TULP4: variants seen among roughly 807,000 people sequenced by gnomAD.
TULP4 encodes tubby-related protein 4.
A neutral mutation model predicts 129.0 loss-of-function variants in TULP4; 16 were observed. The observed-to-expected ratio is 0.12, with a 90% CI of 0.08 to 0.19. TULP4 has a LOEUF of 0.19. Ranked by LOEUF, TULP4 falls within the 10% of genes least tolerant of loss-of-function variation. The probability of loss-of-function intolerance (pLI) is 1.00; values close to 1 mark genes in which losing one functional copy is unlikely to be tolerated. For missense variants in TULP4, 1,842 were observed against 2,059.1 expected (o/e 0.89, Z 2.04); for synonymous variants, 998 against 854.0 (o/e 1.17, Z -2.94).
intron 1 of TULP4, among the ~76,000 whole-genome samples, chr6:158,384,449 G>A (rs531808839): frequency 4.0e-5 from 6 of 151,636 alleles, no homozygotes; most frequent in Non-Finnish European, 7.4e-5. Flanking sequence ...CACCCCACCC[G>A]GCTAATTTTT....
intron 1 of TULP4, among the ~76,000 whole-genome samples, chr6:158,370,923 T>C (rs900797306): frequency 1.3e-5 from 2 of 152,184 alleles, no homozygotes; most frequent in Middle Eastern, 3.2e-3. Context: ...TCCACTGTTT[T>C]TGACATCCTG....
intron 6 of TULP4, among the ~76,000 whole-genome samples, chr6:158,479,152 C>T (rs1487487706): frequency 6.6e-6 from 1 of 152,114 alleles, no homozygotes; most frequent in Admixed American, 6.5e-5. Context: ...TGACTCTGGA[C>T]GGAAGGGAAG....
intron 1 of TULP4, among the ~76,000 whole-genome samples, chr6:158,239,390 G>A (rs1263703204): frequency 1.5e-5 from 1 of 68,664 alleles, no homozygotes; most frequent in Non-Finnish European, 3.4e-5. Context: ...CTCCCGGACG[G>A]GGCGGCTGGC....
intron 1 of TULP4, among the ~76,000 whole-genome samples, chr6:158,407,493 G>A (rs903560863): frequency 6.6e-6 from 1 of 152,000 alleles, no homozygotes; most frequent in African/African-American, 2.4e-5. Context: ...ATTTGACCCA[G>A]CAACTCCACT....
intron 1 of TULP4, among the ~76,000 whole-genome samples, chr6:158,332,214 T>C (rs1395428673): frequency 8.1e-6 from 1 of 123,588 alleles, no homozygotes; most frequent in Non-Finnish European, 1.7e-5. Flanking sequence ...TATATATATA[T>C]ATATATATAT....
chr6:158,248,638 G>C (rs998193565), intron 1 of TULP4, among the ~76,000 whole-genome samples: 1 of 152,128 alleles, frequency 6.6e-6, no homozygotes, highest in Non-Finnish European at 1.5e-5. Context: ...CTACTCGGAG[G>C]CCTGAGGTGG....
Position 158,481,643 on chromosome 6 carries a change from T to C in TULP4, c.1486+354T>C, listed in dbSNP as rs1470242356. 3 of 306,332 alleles carry C rather than the reference T, an allele frequency of 9.8e-6. No homozygotes were observed. The East Asian group carries it at 2.0e-4, about 20-fold the overall frequency. The allele number at this position is 306,332 out of a possible 1,614,324, so 19.0% of individuals were successfully genotyped here. On this transcript the variant is annotated intron_variant, in intron 8 of 13. Coordinates refer to ENST00000367097, the MANE Select transcript of TULP4 (RefSeq NM_020245.5). ...ATGTAATATTGAGACAACTTGAAAATAATAACAAGATACAGTCCCTACCCT... is the reference window on the plus strand; with the variant it reads ...ATGTAATATTGAGACAACTTGAAAACAATAACAAGATACAGTCCCTACCCT...
Position 158,415,317 on chromosome 6 carries a change from G to A in TULP4, c.381+2124G>A, listed in dbSNP as rs545177732. On this transcript the variant is annotated intron_variant, in intron 2 of 13. Coordinates refer to ENST00000367097, the MANE Select transcript of TULP4 (RefSeq NM_020245.5). ...AATGACTATGTTACTGGTATTTACT[G>A]TACTTTTTATTATTTTAGATAGAGT... Among the ~76,000 whole-genome samples the A allele has an allele frequency of 7.4e-5, 11 of 148,554 alleles. No individual in the cohort carries two copies. The South Asian group carries it at 2.4e-3, about 32-fold the overall frequency.
rs142226443 is a variant in TULP4 at position 158,361,659 on chromosome 6, A to G, written c.252+47391A>G. Among the ~76,000 whole-genome samples the G allele has an allele frequency of 1.4e-3, 213 of 152,360 alleles. 1 individual carries two copies. The highest frequency in any genetic ancestry group is 4.7e-3 in the African/African-American group (194 of 41,592). ...CACATATTTTCTTTTTAAAATTAAT[A>G]TATGTACTTTCTCATTGTAAAAGAC... On this transcript the variant is annotated intron_variant, in intron 1 of 13. Coordinates refer to ENST00000367097, the MANE Select transcript of TULP4 (RefSeq NM_020245.5).
intron 5 of TULP4, among the ~76,000 whole-genome samples, chr6:158,459,385 G>A (rs551996755): frequency 2.6e-5 from 4 of 151,816 alleles, no homozygotes; most frequent in African/African-American, 7.3e-5. Flanking sequence ...AGCCGAGATC[G>A]CGCCATTGTA....
chr6:158,289,001 T>C (rs1009424208), intron 1 of TULP4, among the ~76,000 whole-genome samples: 11 of 152,262 alleles, frequency 7.2e-5, no homozygotes, highest in Non-Finnish European at 1.0e-4. Flanking sequence ...GTAATACTGC[T>C]GTAGGCTATT....
In TULP4 at chr6:158,508,035, T is replaced by C. The variant is rs1582890597; in HGVS notation, c.*1341T>C. 6.6e-6 allele frequency: 1 copy of C among 152,318 alleles called. No homozygotes were observed. The highest frequency in any genetic ancestry group is 1.5e-5 in the Non-Finnish European group (1 of 68,026). 9.4% of individuals were successfully genotyped at this position (152,318 alleles called of 1,614,324 possible). On this transcript the variant is annotated 3_prime_UTR_variant, in exon 14 of 14. Transcript: ENST00000367097. Reference sequence around the variant, plus strand: ...CCTAGGTAGTTGGTTGATCACAGTTTGTTAATTGTATAAAAAAAAATTACC... The same window carrying C: ...CCTAGGTAGTTGGTTGATCACAGTTCGTTAATTGTATAAAAAAAAATTACC...
chr6:158,470,335 G>C (rs189921726), intron 6 of TULP4, among the ~76,000 whole-genome samples: 1 of 152,342 alleles, frequency 6.6e-6, no homozygotes, highest in Admixed American at 6.5e-5. Flanking sequence ...AGATTTAATA[G>C]AGTGAAATAG....
intron 1 of TULP4, among the ~76,000 whole-genome samples, chr6:158,394,109 C>A (rs945470973): frequency 6.6e-6 from 1 of 152,168 alleles, no homozygotes; most frequent in African/African-American, 2.4e-5. Flanking sequence ...CTGGCAGATA[C>A]CCTAATCATC....
At chr6:158,307,725 C>T (rs1036389848), upstream of TULP4, among the ~76,000 whole-genome samples, 2 of 152,070 alleles carry the variant, frequency 1.3e-5, no homozygotes, top group African/African-American at 4.8e-5. Flanking sequence ...TCTGGTGACC[C>T]CCGCCTTGGC....
chr6:158,254,055 CAGTG>C (rs1358332359), intron 1 of TULP4, among the ~76,000 whole-genome samples: 2 of 151,316 alleles, frequency 1.3e-5, no homozygotes, highest in South Asian at 4.2e-4. Flanking sequence ...AAAAAGAAAA[CAGTG>C]AGAATCTGAT....
At chr6:158,389,129 A>G (rs1458703313) in intron 1 of TULP4, among the ~76,000 whole-genome samples, 1 of 152,248 alleles carries the variant, frequency 6.6e-6, no homozygotes, top group African/African-American at 2.4e-5. Flanking sequence ...GTATCTTGAT[A>G]GGCAAAGGAT....
At chr6:158,371,662 GA>G (rs1777072239) in intron 1 of TULP4, among the ~76,000 whole-genome samples, 1 of 152,178 alleles carries the variant, frequency 6.6e-6, no homozygotes, top group African/African-American at 2.4e-5. Context: ...TAAAGTGGTA[GA>G]AGTAAGGCCA....
At chr6:158,488,770 A>G (rs1281656891) in intron 8 of TULP4, among the ~76,000 whole-genome samples, 1 of 150,934 alleles carries the variant, frequency 6.6e-6, no homozygotes, top group Non-Finnish European at 1.5e-5. Context: ...TGGGGTCCTC[A>G]CATTGAGGAC....
Sources: gnomAD v4.1 joint callset for allele counts (sites outside exome capture counted in the v4.1 genomes callset) on GRCh38, gnomAD v4.1.1 for gene constraint, MANE v1.5 for transcripts, NCBI Gene and HGNC (gene_info 2026-07-23, HGNC 2026-07-21) for gene names.